LEMD1: variants seen among roughly 807,000 people sequenced by gnomAD.
LEMD1 encodes LEM domain containing 1, also known as LEM domain-containing protein 1.
A neutral mutation model predicts 17.4 loss-of-function variants in LEMD1; 18 were observed. The ratio of observed to expected loss-of-function variants is 1.04; its 90% CI spans 0.72 to 1.54. LEMD1 has a LOEUF of 1.54. Ranked by LOEUF, LEMD1 falls within the 40% of genes most tolerant of loss-of-function variation. The pLI is 0.00. For missense variants in LEMD1, 195 were observed against 210.4 expected, an observed-to-expected ratio of 0.93 and a Z score of 0.45; for synonymous variants, 88 against 77.8, an observed-to-expected ratio of 1.13 and a Z score of -0.69.
At position 205,384,400 on chromosome 1, in the gene LEMD1, T is replaced by C. The variant is rs1324591253; in HGVS notation, c.271-36A>G. On this transcript the variant is annotated intron_variant, in intron 4 of 5. Coordinates refer to ENST00000367153, the MANE Select transcript of LEMD1 (RefSeq NM_001199050.2). ...GAAAGAAAATGTCAAGAGGAATTTG[T>C]TTCCAATGTCTTATACAAATAACCT... The C allele has an allele frequency of 2.4e-5, 32 of 1,356,136 alleles. 1 individual carries two copies. Among genetic ancestry groups the C allele is most frequent in the Non-Finnish European group, 2.8e-5 (28 of 1,012,960 alleles). 84.0% of individuals were successfully genotyped at this position (1,356,136 alleles called of 1,614,324 possible).
chr1:205,404,908 A>T (rs1391995254), intron 4 of LEMD1, among the ~76,000 whole-genome samples: 3 of 149,948 alleles, frequency 2.0e-5, no homozygotes, highest in Admixed American at 6.6e-5. Context: ...TGGTGACAAA[A>T]TCTCTCAGCA....
At chr1:205,394,509 CA>C (rs952076516) in intron 4 of LEMD1, among the ~76,000 whole-genome samples, 1 of 152,034 alleles carries the variant, frequency 6.6e-6, no homozygotes, top group Non-Finnish European at 1.5e-5. Flanking sequence ...CTCAGCCTCC[CA>C]AGTAGCTGGG....
chr1:205,446,395 T>G (rs111781559), intron 1 of LEMD1, among the ~76,000 whole-genome samples: 1,875 of 152,306 alleles, frequency 0.012, 40 homozygotes, highest in African/African-American at 0.042. Flanking sequence ...CCATCTTTTC[T>G]CCCAGTTCGT....
intron 2 of LEMD1, 83 bp downstream of exon 2, chr1:205,420,372 T>C (rs1275817767): frequency 7.7e-6 from 8 of 1,034,412 alleles, no homozygotes; most frequent in African/African-American, 1.6e-5. Flanking sequence ...TTTAATGGCT[T>C]TACTGCATAT....
chr1:205,412,636 C>A (rs1188141897), intron 4 of LEMD1, among the ~76,000 whole-genome samples: 5 of 152,162 alleles, frequency 3.3e-5, no homozygotes, highest in Non-Finnish European at 7.3e-5. Flanking sequence ...CACCTTCTAC[C>A]ACCTTTTACA....
At chr1:205,443,079 A>T (rs1666323488) in intron 1 of LEMD1, among the ~76,000 whole-genome samples, 1 of 152,244 alleles carries the variant, frequency 6.6e-6, no homozygotes. Context: ...CCGTGTAATC[A>T]GTTATTGTCA....
chr1:205,400,843 T>TCCCCCCCCCCCCCCCCCCCCCCC (rs58251224), intron 4 of LEMD1, among the ~76,000 whole-genome samples: 1 of 79,692 alleles, frequency 1.3e-5, no homozygotes, highest in Non-Finnish European at 2.5e-5. Flanking sequence ...ATGCTATCCC[T>TCCCCCCCCCCCCCCCCCCCCCCC]CCCCCCCCCC....
chr1:205,387,811 A>T lies in LEMD1; in HGVS notation c.271-3447T>A, dbSNP rs138492039. On this transcript the variant is annotated intron_variant, in intron 4 of 5. Coordinates refer to ENST00000367153, the MANE Select transcript of LEMD1 (RefSeq NM_001199050.2). The stretch of plus-strand genomic sequence containing the variant: ...TTGCTGGCCACAGCTGTAGTTAGTT[A>T]TAAAAGTAGTAAGTCAGAGATATGC... 1.1e-3 allele frequency among the ~76,000 whole-genome samples: 165 copies of T among 152,364 alleles called. 2 individuals are homozygous for T. Among genetic ancestry groups the T allele is most frequent in the African/African-American group, 3.8e-3 (160 of 41,592 alleles).
At chr1:205,440,679 C>T (rs1236374230) in intron 1 of LEMD1, 2 of 152,540 alleles carry the variant, frequency 1.3e-5, no homozygotes, top group Non-Finnish European at 2.9e-5. Context: ...CCTGGGGTTC[C>T]CCCTTGTGTG....
At chr1:205,434,388 C>T (rs912274988) in intron 1 of LEMD1, among the ~76,000 whole-genome samples, 3 of 149,412 alleles carry the variant, frequency 2.0e-5, no homozygotes, top group South Asian at 2.1e-4. Flanking sequence ...TTAGTAGAGA[C>T]GAAGTCTGGC....
At chr1:205,409,633 C>T (rs1265582750) in intron 4 of LEMD1, among the ~76,000 whole-genome samples, 1 of 151,746 alleles carries the variant, frequency 6.6e-6, no homozygotes, top group Non-Finnish European at 1.5e-5. Context: ...GAAGGCCTCA[C>T]TCTGTTGCCC....
chr1:205,446,768 G>A (rs1396039906), intron 1 of LEMD1, among the ~76,000 whole-genome samples: 1 of 152,186 alleles, frequency 6.6e-6, no homozygotes, highest in East Asian at 1.9e-4. Context: ...CTGAACTCTG[G>A]GTGAGAGAAC....
upstream of LEMD1, among the ~76,000 whole-genome samples, chr1:205,425,671 G>C (rs1326138015): frequency 6.6e-6 from 1 of 152,152 alleles, no homozygotes; most frequent in Non-Finnish European, 1.5e-5. Flanking sequence ...AGTAAACAGA[G>C]CCTTTACTCA....
intron 4 of LEMD1, among the ~76,000 whole-genome samples, chr1:205,403,891 G>T (rs962435883): frequency 4.0e-5 from 6 of 151,782 alleles, no homozygotes; most frequent in African/African-American, 1.5e-4. Context: ...CAGAGATTCT[G>T]GTATGTTGTG....
upstream of LEMD1, among the ~76,000 whole-genome samples, chr1:205,426,368 A>C (rs909222040): frequency 1.3e-5 from 2 of 152,272 alleles, no homozygotes; most frequent in African/African-American, 4.8e-5. Context: ...CTAAATGGAG[A>C]AACCAACCAG....
At chr1:205,418,811 G>A (rs112076884) in intron 3 of LEMD1, among the ~76,000 whole-genome samples, 1 of 152,156 alleles carries the variant, frequency 6.6e-6, no homozygotes. Context: ...GGAGCCATCA[G>A]TGTGGCTCAT....
At chr1:205,386,640 G>A (rs1452786038) in intron 4 of LEMD1, 1 of 152,230 alleles carries the variant, frequency 6.6e-6, no homozygotes, top group African/African-American at 2.4e-5. Flanking sequence ...CTCAACAGTG[G>A]TTTAGCGATA....
At chr1:205,426,559 G>T (rs1666057689), upstream of LEMD1, among the ~76,000 whole-genome samples, 1 of 152,200 alleles carries the variant, frequency 6.6e-6, no homozygotes, top group African/African-American at 2.4e-5. Flanking sequence ...AGTAAGGTCT[G>T]GATTGGCAGG....
chr1:205,408,719 C>G (rs750050825), intron 4 of LEMD1, among the ~76,000 whole-genome samples: 3 of 151,422 alleles, frequency 2.0e-5, no homozygotes, highest in Non-Finnish European at 4.4e-5. Flanking sequence ...AGGCTAGTCT[C>G]GAACTCCTGG....
Sources: allele counts gnomAD v4.1 joint callset (sites outside exome capture counted in the v4.1 genomes callset), GRCh38; gene constraint gnomAD v4.1.1; transcripts MANE v1.5; gene names NCBI Gene and HGNC (gene_info 2026-07-23, HGNC 2026-07-21).